ZNF423: variants seen among roughly 807,000 people sequenced by gnomAD.
ZNF423 encodes the protein zinc finger protein 423, also known as Ebf-associated zinc finger protein.
In ZNF423, 12 loss-of-function variants were observed where a neutral mutation model predicts 95.8. The observed-to-expected ratio is 0.13, with a 90% confidence interval of 0.08 to 0.20. The LOEUF is 0.20. Ranked by LOEUF, ZNF423 falls within the 10% of genes least tolerant of loss-of-function variation. The pLI, the probability that ZNF423 is intolerant of heterozygous loss-of-function variation, is 1.00. For synonymous variants in ZNF423, 749 were observed against 711.9 expected (o/e 1.05, Z -0.83); for missense variants, 1,316 against 1,737.1 (o/e 0.76, Z 4.31).
chr16:49,650,166 A>ACAAAACTTCCAGGGACT (rs1567532456), intron 3 of ZNF423, among the ~76,000 whole-genome samples: 1 of 152,228 alleles, frequency 6.6e-6, no homozygotes, highest in African/African-American at 2.4e-5. Flanking sequence ...AAGGCCCTTA[A>ACAAAACTTCCAGGGACT]CAAAACTTCC....
At chr16:49,728,443 C>T (rs1357671584) in intron 3 of ZNF423, among the ~76,000 whole-genome samples, 3 of 152,136 alleles carry the variant, frequency 2.0e-5, no homozygotes, top group African/African-American at 7.2e-5. Context: ...CTAGCTCCTG[C>T]GTCCCCACGG....
intron 1 of ZNF423, among the ~76,000 whole-genome samples, chr16:49,808,263 T>C (rs999445629): frequency 2.6e-5 from 4 of 152,108 alleles, no homozygotes; most frequent in Admixed American, 6.6e-5. Context: ...GGTTTTACCA[T>C]GTTGTCTAGG....
intron 7 of ZNF423, among the ~76,000 whole-genome samples, chr16:49,515,133 C>A (rs780080134): frequency 6.6e-6 from 1 of 152,272 alleles, no homozygotes; most frequent in Non-Finnish European, 1.5e-5. Flanking sequence ...CTAAGCCAAA[C>A]CCATCCTGAT....
At chr16:49,521,605 C>T (rs1968398601) in intron 7 of ZNF423, among the ~76,000 whole-genome samples, 1 of 152,132 alleles carries the variant, frequency 6.6e-6, no homozygotes, top group African/African-American at 2.4e-5. Flanking sequence ...TCAGTGGTGG[C>T]CTTTTGGAAG....
At chr16:49,604,491 C>T (rs975994849) in intron 5 of ZNF423, among the ~76,000 whole-genome samples, 3 of 152,118 alleles carry the variant, frequency 2.0e-5, no homozygotes, top group African/African-American at 7.2e-5. Flanking sequence ...GTTTGAGAAC[C>T]AGTGATCTAG....
At chr16:49,663,525 GA>G (rs150888629) in intron 3 of ZNF423, among the ~76,000 whole-genome samples, 10,083 of 152,288 alleles carry the variant, frequency 0.066, 446 homozygotes, top group Non-Finnish European at 0.099. Context: ...CCCGGGATGG[GA>G]TGGCTTTTTA....
intron 1 of ZNF423, among the ~76,000 whole-genome samples, chr16:49,801,128 G>A (rs972644180): frequency 4.6e-5 from 7 of 152,202 alleles, no homozygotes; most frequent in Non-Finnish European, 1.0e-4. Context: ...TCTGTCAGAA[G>A]AGGAGCCAAG....
chr16:49,772,883 G>A (rs931652077), intron 2 of ZNF423, among the ~76,000 whole-genome samples: 2 of 152,212 alleles, frequency 1.3e-5, no homozygotes, highest in African/African-American at 4.8e-5. Flanking sequence ...AAAGAAAGAG[G>A]TTTATTGACT....
intron 5 of ZNF423, among the ~76,000 whole-genome samples, chr16:49,598,379 C>T (rs1311699547): frequency 1.3e-5 from 2 of 152,272 alleles, no homozygotes; most frequent in East Asian, 1.9e-4. Context: ...GCACACACTG[C>T]ATAAACAGTG....
At position 49,716,308 on chromosome 16, in the gene ZNF423, C is replaced by T. The variant is rs111415125; in HGVS notation, c.301+14463G>A. On this transcript the variant is annotated intron_variant, in intron 3 of 7. Transcript: ENST00000563137. ...GCAGATCTGACCTCATCACCCCCAT[C>T]ATGAGGCAGCACCAACCTGCTCAGC... 3.7e-3 allele frequency among the ~76,000 whole-genome samples: 562 copies of T among 152,228 alleles called. 5 individuals carry two copies. Among genetic ancestry groups the T allele is most frequent in the African/African-American group, 0.013 (542 of 41,540 alleles).
At chr16:49,815,914 A>ATT (rs58692079) in intron 1 of ZNF423, among the ~76,000 whole-genome samples, 1,180 of 29,440 alleles carry the variant, frequency 0.04, 73 homozygotes, top group Non-Finnish European at 0.056. Flanking sequence ...ATATATATAT[A>ATT]TTTTTTTTTT....
chr16:49,635,531 G>A lies in ZNF423; in HGVS notation c.3516+129C>T. 2 of 1,238,204 alleles carry A rather than the reference G, an allele frequency of 1.6e-6. No individual in the cohort carries two copies. Among genetic ancestry groups the A allele is most frequent in the Non-Finnish European group, 2.2e-6 (2 of 921,888 alleles). 76.7% of individuals were successfully genotyped at this position (1,238,204 alleles called of 1,614,324 possible). On this transcript the variant is annotated intron_variant, in intron 4 of 7. Coordinates refer to ENST00000563137, the MANE Select transcript of ZNF423 (RefSeq NM_001379286.1). The surrounding 1 kb of genome is among the most constrained non-coding windows in gnomAD (Gnocchi z 4.8). ...AACTCAAGGAGTCTACAGCACAGCA[G>A]TTCTGTTTTGCCACTGCGCGATAGC...
chr16:49,691,222 A>G (rs2151946203), intron 3 of ZNF423, among the ~76,000 whole-genome samples: 1 of 152,364 alleles, frequency 6.6e-6, no homozygotes, highest in South Asian at 2.1e-4. Flanking sequence ...ACTTGTAGCT[A>G]GAAAAGTGGC....
chr16:49,729,214 A>T (rs117048934), intron 3 of ZNF423, among the ~76,000 whole-genome samples: 1 of 152,236 alleles, frequency 6.6e-6, no homozygotes, highest in African/African-American at 2.4e-5. Context: ...TTAGAAAATA[A>T]AGAGAATAAC....
At chr16:49,745,859 A>T (rs1207081713) in intron 2 of ZNF423, among the ~76,000 whole-genome samples, 2 of 151,884 alleles carry the variant, frequency 1.3e-5, no homozygotes, top group Admixed American at 6.6e-5. Context: ...GCAGGAAAGG[A>T]CTCTCTATGG....
intron 5 of ZNF423, among the ~76,000 whole-genome samples, chr16:49,567,262 G>A (rs1002914562): frequency 7.2e-5 from 11 of 152,184 alleles, no homozygotes; most frequent in African/African-American, 2.4e-4. Context: ...GCTTTAGCTG[G>A]CTTTGATGTG....
rs551051264 is a variant in ZNF423, at chr16:49,602,926, C to A, written c.3601+23244G>T. ...GTGAGCAAACCCCAAAGGTTAACAG[C>A]GGAGCTGCCGGCGGGCGATCAGCAC... is the stretch of plus-strand genomic sequence containing the variant. On this transcript the variant is annotated intron_variant, in intron 5 of 7. Coordinates refer to ENST00000563137, the MANE Select transcript of ZNF423 (RefSeq NM_001379286.1). 3.9e-5 allele frequency among the ~76,000 whole-genome samples: 6 copies of A among 152,324 alleles called. No homozygotes were observed. In the South Asian group the frequency reaches 1.2e-3, roughly 32 times the overall value.
At chr16:49,686,139 G>A (rs546126210) in intron 3 of ZNF423, among the ~76,000 whole-genome samples, 2 of 152,284 alleles carry the variant, frequency 1.3e-5, no homozygotes, top group South Asian at 4.1e-4. Context: ...CTCCCCCACA[G>A]ACTGGAAGCT....
intron 5 of ZNF423, among the ~76,000 whole-genome samples, chr16:49,564,318 C>CA (rs34542336): frequency 0.15 from 22,766 of 149,098 alleles, 1,785 homozygotes; most frequent in Admixed American, 0.18. Flanking sequence ...AAGTACATAT[C>CA]AAAAAAAAAA....
Sources: gnomAD v4.1 joint callset for allele counts (sites outside exome capture counted in the v4.1 genomes callset) on GRCh38, gnomAD v4.1.1 for gene constraint, Gnocchi (gnomAD v3.1) non-coding constraint, MANE v1.5 for transcripts, NCBI Gene and HGNC (gene_info 2026-07-23, HGNC 2026-07-21) for gene names.